EVI5: variants seen among roughly 807,000 people sequenced by gnomAD.
EVI5 encodes the protein ecotropic viral integration site 5.
In EVI5, 73 loss-of-function variants were observed where a neutral mutation model predicts 112.0. The observed-to-expected ratio is 0.65, with a 90% CI of 0.54 to 0.79. EVI5 has a LOEUF of 0.79. EVI5 is among the 30% of genes least tolerant of loss of function. The probability of loss-of-function intolerance (pLI) is 0.00; values close to 1 mark genes in which losing one functional copy is unlikely to be tolerated. For synonymous variants in EVI5, 305 were observed against 319.9 expected (o/e 0.95, Z 0.50); for missense variants, 900 against 968.8 (o/e 0.93, Z 0.94).
At chr1:92,526,184 G>C (rs1661844614) in intron 19 of EVI5, among the ~76,000 whole-genome samples, 1 of 152,120 alleles carries the variant, frequency 6.6e-6, no homozygotes, top group Non-Finnish European at 1.5e-5. Flanking sequence ...TCAGCCTTCT[G>C]AGCAGCTGAG....
intron 16 of EVI5, among the ~76,000 whole-genome samples, chr1:92,616,935 G>C (rs544896878): frequency 2.0e-5 from 3 of 152,332 alleles, no homozygotes; most frequent in Admixed American, 1.3e-4. Flanking sequence ...GGCTTGAGCA[G>C]GTCCTGAAGG....
chr1:92,748,171 G>A (rs898527185), intron 1 of EVI5, among the ~76,000 whole-genome samples: 8 of 152,056 alleles, frequency 5.3e-5, no homozygotes, highest in Admixed American at 4.6e-4. Context: ...AGCAAAGCTC[G>A]CTGACTGCTT....
In EVI5 at chr1:92,566,803, CTTTTTTT is replaced by C. The variant is rs57042163; in HGVS notation, c.2071-3073_2071-3067del. On this transcript the variant is annotated intron_variant, in intron 18 of 19. Coordinates refer to ENST00000684568, the MANE Select transcript of EVI5 (RefSeq NM_001350197.2). Reference sequence around the variant, plus strand: ...AAGCAGAGAATAATGTGTGTGCCTGCTTTTTTTTTTTTTTTTTTTTTTTTGAGGCAGA... The same window carrying C: ...AAGCAGAGAATAATGTGTGTGCCTGCTTTTTTTTTTTTTTTTTGAGGCAGA... Among the ~76,000 whole-genome samples the C allele has an allele frequency of 1.9e-4, 19 of 97,878 alleles. No individual in the cohort carries two copies. In the East Asian group the frequency reaches 5.3e-3, roughly 27 times the overall value. 64.2% of individuals were successfully genotyped at this position (97,878 alleles called of 152,430 possible). A position where few individuals can be genotyped will look rare whatever the true frequency, so the allele number is the denominator to read the frequency against.
At chr1:92,636,907 A>G (rs756319491) in intron 13 of EVI5, among the ~76,000 whole-genome samples, 1 of 152,200 alleles carries the variant, frequency 6.6e-6, no homozygotes, top group Non-Finnish European at 1.5e-5. Flanking sequence ...TGTGGGTATT[A>G]GAAAATCTTA....
intron 10 of EVI5, among the ~76,000 whole-genome samples, chr1:92,667,265 C>T (rs1326553130): frequency 6.6e-6 from 1 of 151,908 alleles, no homozygotes; most frequent in Non-Finnish European, 1.5e-5. Context: ...TCCTGGGCAA[C>T]AGAGCAAGAC....
chr1:92,777,654 AG>A (rs1439081976), intron 1 of EVI5, among the ~76,000 whole-genome samples: 1 of 152,218 alleles, frequency 6.6e-6, no homozygotes, highest in East Asian at 1.9e-4. Context: ...AATGGAGGAC[AG>A]GTGGCAACAA....
chr1:92,792,378 A>T, exon 1 of EVI5: 5 of 1,611,144 alleles, frequency 3.1e-6, no homozygotes, highest in Non-Finnish European at 4.2e-6. Flanking sequence ...GGCAGCAGTC[A>T]TTTTGTTGGT....
At chr1:92,590,030 T>A (rs2101240430) in intron 18 of EVI5, among the ~76,000 whole-genome samples, 1 of 152,142 alleles carries the variant, frequency 6.6e-6, no homozygotes, top group Non-Finnish European at 1.5e-5. Flanking sequence ...TCCAGCAAAC[T>A]CCAACAGACC....
In EVI5 at chr1:92,756,880, C is replaced by G. The variant is rs187493703; in HGVS notation, c.-81-20253G>C. 50 of 432,860 alleles carry G rather than the reference C, an allele frequency of 1.2e-4. 1 individual carries two copies. In the Admixed American group the frequency reaches 1.3e-3, roughly 11 times the overall value. The allele number at this position is 432,860 out of a possible 1,614,324, so 26.8% of individuals were successfully genotyped here. On this transcript the variant is annotated intron_variant, in intron 1 of 19. Transcript: ENST00000684568. ...TGGCAATAGTAGCAGAAGTTAAGCC[C>G]TGTCTGAATGTTTCTTATAACCAGA...
chr1:92,706,904 G>A (rs1174636001), intron 2 of EVI5, among the ~76,000 whole-genome samples: 3 of 152,104 alleles, frequency 2.0e-5, no homozygotes, highest in Admixed American at 1.3e-4. Flanking sequence ...AACCATGGCC[G>A]GGCGTGGTGG....
At position 92,513,914 on chromosome 1, in the gene EVI5, G is replaced by T. The variant is rs199716793; in HGVS notation, c.2223C>A (p.Ile741=). 3 of 1,601,046 alleles carry T rather than the reference G, an allele frequency of 1.9e-6. No homozygotes were observed. In the East Asian group the frequency reaches 6.8e-5, roughly 36 times the overall value. ...CTCCTATTAAATGGTTGACAATGTG[G>T]ATTCCATCAAAAGGAGGTTGGCCTG... ...GFSGQPPFDG[I]HIVNHLIGDD... Residue 741 remains isoleucine, a synonymous_variant, in exon 20 of 20, where the codon ATC becomes ATA. Transcript: ENST00000684568.
At chr1:92,784,495 G>A (rs1057093440) in intron 1 of EVI5, 3 of 910,856 alleles carry the variant, frequency 3.3e-6, no homozygotes, top group African/African-American at 1.8e-5. Flanking sequence ...CCTCGAGGGT[G>A]GGGTGCAGGG....
chr1:92,703,357 ATTCAT>A, intron 4 of EVI5, 33 bp downstream of exon 4: 1 of 1,212,364 alleles, frequency 8.2e-7, no homozygotes, highest in Non-Finnish European at 1.2e-6. Flanking sequence ...CCTTCCAGGA[ATTCAT>A]TTCATTTCAA....
chr1:92,553,576 C>A (rs1449038039), intron 19 of EVI5, among the ~76,000 whole-genome samples: 1 of 152,090 alleles, frequency 6.6e-6, no homozygotes, highest in Non-Finnish European at 1.5e-5. Context: ...GCTGGGATTA[C>A]AGGCGTGAGC....
intron 16 of EVI5, among the ~76,000 whole-genome samples, chr1:92,611,211 C>A (rs1463072977): frequency 1.3e-5 from 2 of 150,964 alleles, no homozygotes; most frequent in Non-Finnish European, 2.9e-5. Flanking sequence ...TAAATCCCCA[C>A]CAATATATAC....
At chr1:92,704,442 C>A in intron 3 of EVI5, 113 bp downstream of exon 3, 2 of 597,068 alleles carry the variant, frequency 3.3e-6, no homozygotes, top group African/African-American at 3.7e-5. Context: ...AAGCAGACCT[C>A]TTTAATATAT....
intron 16 of EVI5, among the ~76,000 whole-genome samples, chr1:92,621,345 G>A (rs1013970274): frequency 1.3e-5 from 2 of 152,198 alleles, no homozygotes; most frequent in Non-Finnish European, 2.9e-5. Flanking sequence ...GTCTTGCTCC[G>A]TCACCCAGGC....
intron 18 of EVI5, among the ~76,000 whole-genome samples, chr1:92,598,102 C>T (rs1018099686): frequency 7.9e-5 from 12 of 152,106 alleles, no homozygotes; most frequent in Admixed American, 4.6e-4. Context: ...GGTGTAGTGG[C>T]GTGATCTTGA....
At chr1:92,760,513 C>T (rs1347822846) in intron 1 of EVI5, among the ~76,000 whole-genome samples, 2 of 151,848 alleles carry the variant, frequency 1.3e-5, no homozygotes, top group Non-Finnish European at 2.9e-5. Context: ...GGGAGGATCA[C>T]TTGAGGTCAG....
Sources: gnomAD v4.1 joint callset for allele counts (sites outside exome capture counted in the v4.1 genomes callset) on GRCh38, gnomAD v4.1.1 for gene constraint, MANE v1.5 for transcripts, NCBI Gene and HGNC (gene_info 2026-07-23, HGNC 2026-07-21) for gene names.